Variants in CACNA1E observed in about 807,000 individuals in gnomAD.
CACNA1E encodes the protein voltage-dependent R-type calcium channel subunit alpha-1E.
In CACNA1E, 40 loss-of-function variants were observed where a neutral mutation model predicts 259.2. The ratio of observed to expected loss-of-function variants is 0.15; its 90% CI spans 0.12 to 0.20. The LOEUF (loss-of-function observed/expected upper bound fraction) is 0.20, where lower values mean the gene tolerates loss of function less well. Among genes scored for constraint, CACNA1E ranks in the 10% least tolerant of loss-of-function variants. CACNA1E has a pLI of 1.00. For missense variants in CACNA1E, 1,874 were observed against 3,040.1 expected (o/e 0.62, Z 9.02); for synonymous variants, 1,104 against 1,138.5 (o/e 0.97, Z 0.61).
chr1:181,756,191 T>C lies in CACNA1E; in HGVS notation c.4127+98T>C, dbSNP rs952167260. On this transcript the variant is annotated intron_variant, in intron 29 of 47. Coordinates refer to ENST00000367573, the MANE Select transcript of CACNA1E (RefSeq NM_001205293.3). Reference sequence around the variant, plus strand: ...GATGAACAAGGCTCACGCTTTGTTATTGTATCAGGGAAAGTAAGGGGTTTT... The same window carrying C: ...GATGAACAAGGCTCACGCTTTGTTACTGTATCAGGGAAAGTAAGGGGTTTT... 13 of 1,213,816 alleles carry C rather than the reference T, an allele frequency of 1.1e-5. No homozygotes were observed. The African/African-American group carries it at 1.7e-4, about 16-fold the overall frequency. The allele number at this position is 1,213,816 out of a possible 1,614,324, so 75.2% of individuals were successfully genotyped here.
chr1:181,616,072 T>G (rs989918071), intron 6 of CACNA1E, among the ~76,000 whole-genome samples: 1 of 152,244 alleles, frequency 6.6e-6, no homozygotes, highest in African/African-American at 2.4e-5. Flanking sequence ...ATCACCTTTG[T>G]TGTGATATGT....
At chr1:181,635,631 G>A (rs1177447477) in intron 6 of CACNA1E, among the ~76,000 whole-genome samples, 1 of 152,192 alleles carries the variant, frequency 6.6e-6, no homozygotes, top group Admixed American at 6.5e-5. Flanking sequence ...GTTCTGATCT[G>A]GACTCTGCAC....
chr1:181,368,653 C>T (rs1197570554), intron 1 of CACNA1E, among the ~76,000 whole-genome samples: 1 of 152,024 alleles, frequency 6.6e-6, no homozygotes, highest in Non-Finnish European at 1.5e-5. Context: ...GAGGAGGGGG[C>T]AGTGCTGTGC....
At chr1:181,369,984 C>T (rs1240919466) in intron 1 of CACNA1E, among the ~76,000 whole-genome samples, 8 of 151,296 alleles carry the variant, frequency 5.3e-5, no homozygotes, top group African/African-American at 1.7e-4. Context: ...GCCCTGGTGT[C>T]TGCTCTTCCC....
chr1:181,600,758 G>A (rs1653665495), intron 6 of CACNA1E, among the ~76,000 whole-genome samples: 1 of 152,176 alleles, frequency 6.6e-6, no homozygotes, highest in Admixed American at 6.5e-5. Flanking sequence ...CCCAGTTAGA[G>A]ATGTCATAAG....
chr1:181,474,240 G>A (rs1348860139), intron 2 of CACNA1E, among the ~76,000 whole-genome samples: 1 of 152,100 alleles, frequency 6.6e-6, no homozygotes, highest in Non-Finnish European at 1.5e-5. Flanking sequence ...GTGATGGGGT[G>A]GTTTTGTGAA....
At chr1:181,780,894 C>T (rs2102820058) in intron 38 of CACNA1E, among the ~76,000 whole-genome samples, 1 of 152,302 alleles carries the variant, frequency 6.6e-6, no homozygotes, top group South Asian at 2.1e-4. Flanking sequence ...CGACGTTCTG[C>T]CTGTGGGTTC....
At chr1:181,672,602 C>A (rs1648923051) in intron 7 of CACNA1E, among the ~76,000 whole-genome samples, 1 of 152,224 alleles carries the variant, frequency 6.6e-6, no homozygotes, top group Admixed American at 6.5e-5. Context: ...CAAGTTGTAT[C>A]CCAGACTGTC....
chr1:181,771,968 C>A (rs1659557129), intron 36 of CACNA1E, 98 bp from the exon 37 acceptor site: 4 of 1,132,112 alleles, frequency 3.5e-6, no homozygotes, highest in Non-Finnish European at 5.1e-6. Flanking sequence ...CTGTTGGGCC[C>A]AGACAAGAGC....
rs554584908 is a variant in CACNA1E at position 181,358,175 on chromosome 1, A to G, written c.-15+40052A>G. 1.2e-3 allele frequency among the ~76,000 whole-genome samples: 186 copies of G among 152,314 alleles called. 1 individual carries two copies. Among genetic ancestry groups the G allele is most frequent in the African/African-American group, 4.3e-3 (178 of 41,556 alleles). On this transcript the variant is annotated intron_variant, in intron 1 of 11. Coordinates refer to the CACNA1E transcript ENST00000524607. ...GCTAGCTCTCTACGTGGAAGGGGCC[A>G]GGTCTTCCTCACTACAATGGCCTAA...
exon 2 of CACNA1E, chr1:181,413,389 G>C (rs1658016657): frequency 1.3e-5 from 2 of 152,626 alleles, no homozygotes; most frequent in Non-Finnish European, 1.5e-5. Context: ...ACTTCTTCCA[G>C]GTGCAGGAGG....
chr1:181,651,614 A>G (rs1658764769), intron 7 of CACNA1E, 173 bp downstream of exon 7: 1 of 552,440 alleles, frequency 1.8e-6, no homozygotes, highest in Non-Finnish European at 3.2e-6. Context: ...GTGAACCATC[A>G]TTCTAATAAT....
At chr1:181,441,019 A>AAAAG in intron 2 of CACNA1E, among the ~76,000 whole-genome samples, 2 of 126,942 alleles carry the variant, frequency 1.6e-5, no homozygotes, top group Non-Finnish European at 3.2e-5. Flanking sequence ...AAAAAAAAAA[A>AAAAG]GCGCCCAGCT....
chr1:181,464,461 A>G (rs1417197008), intron 2 of CACNA1E, among the ~76,000 whole-genome samples: 1 of 151,152 alleles, frequency 6.6e-6, no homozygotes, highest in East Asian at 1.9e-4. Context: ...TAGGTACCTT[A>G]TGGTTTTGTT....
intron 3 of CACNA1E, among the ~76,000 whole-genome samples, chr1:181,552,018 A>T (rs769097911): frequency 5.3e-5 from 8 of 152,136 alleles, no homozygotes; most frequent in Non-Finnish European, 1.0e-4. Flanking sequence ...ACCACTTGCC[A>T]CCCAACAAAA....
intron 7 of CACNA1E, chr1:181,668,645 T>C (rs2102182619): frequency 6.6e-6 from 1 of 152,314 alleles, no homozygotes; most frequent in Admixed American, 6.5e-5. Context: ...TCCATATTCT[T>C]ACCTGTGGGC....
rs143325569 is a variant in CACNA1E at position 181,797,865 on chromosome 1, C to A, written c.6400-427C>A. 1.7e-3 allele frequency among the ~76,000 whole-genome samples: 252 copies of A among 152,322 alleles called. 1 individual carries two copies. The highest frequency in any genetic ancestry group is 5.7e-3 in the African/African-American group (239 of 41,574). Reference sequence around the variant, plus strand: ...AGCCAGAGCAACTCCAGCATTTGTTCACCTTCCACAGAGTTGTCTTTCTCA... The same window carrying A: ...AGCCAGAGCAACTCCAGCATTTGTTAACCTTCCACAGAGTTGTCTTTCTCA... On this transcript the variant is annotated intron_variant, in intron 47 of 47. Transcript: ENST00000367573.
chr1:181,540,308 AC>A (rs1175607956), intron 3 of CACNA1E, among the ~76,000 whole-genome samples: 1 of 151,994 alleles, frequency 6.6e-6, no homozygotes, highest in East Asian at 1.9e-4. Flanking sequence ...TGTGTTTACT[AC>A]CCTAATCTCT....
chr1:181,747,449 C>CTTTTTTT (rs1558340074), intron 25 of CACNA1E, among the ~76,000 whole-genome samples: 2 of 117,318 alleles, frequency 1.7e-5, no homozygotes. Flanking sequence ...AAAAATCTGT[C>CTTTTTTT]ATTTTTTTTT....
Sources: gnomAD v4.1 joint callset for allele counts (sites outside exome capture counted in the v4.1 genomes callset) on GRCh38, gnomAD v4.1.1 for gene constraint, MANE v1.5 for transcripts, NCBI Gene and HGNC (gene_info 2026-07-23, HGNC 2026-07-21) for gene names.